GSK3B: variants seen among roughly 807,000 people sequenced by gnomAD.
GSK3B encodes glycogen synthase kinase 3 beta, also known as glycogen synthase kinase-3 beta.
A neutral mutation model predicts 56.4 loss-of-function variants in GSK3B; 15 were observed. The ratio of observed to expected loss-of-function variants is 0.27; its 90% confidence interval spans 0.18 to 0.41. The LOEUF is 0.41. GSK3B is among the 10% of genes least tolerant of loss of function. GSK3B has a pLI of 1.00. For synonymous variants in GSK3B, 181 were observed against 188.9 expected (o/e 0.96, Z 0.34); for missense variants, 300 against 513.4 (o/e 0.58, Z 4.02).
chr3:119,847,296 TA>T (rs888920724), intron 9 of GSK3B, among the ~76,000 whole-genome samples: 92 of 150,882 alleles, frequency 6.1e-4, no homozygotes, highest in African/African-American at 2.0e-3. Context: ...ATAATAATCA[TA>T]AAAAAAGAAT....
In GSK3B at chr3:119,863,601, A is replaced by C; in HGVS notation, c.914T>G (p.Phe305Cys). The C allele has an allele frequency of 1.9e-6, 3 of 1,601,808 alleles. No individual in the cohort carries two copies. The highest frequency in any genetic ancestry group is 2.6e-6 in the Non-Finnish European group (3 of 1,169,314). The change falls in exon 9 of 11, where the codon TTC becomes TGC. Residue 305 changes from phenylalanine to cysteine, a missense_variant. Physicochemically the swap from Phe to Cys is radical, Grantham distance 205. Around this residue, in one of 6 missense-constraint regions of GSK3B, gnomAD observed 38 missense variants for 58.3 expected, o/e 0.65. Coordinates refer to ENST00000264235, the MANE Select transcript of GSK3B (RefSeq NM_001146156.2). ...TGCCTCCGGTGGAGTTCGGGGTCGG[A>C]AGACCTGCAGTACAAAAAAAGGGAA... ...QIKAHPWTKVFRPRTPPEAIA... is the reference protein window; with the variant it reads ...QIKAHPWTKVCRPRTPPEAIA...
chr3:119,890,343 G>A (rs530545722), intron 7 of GSK3B, among the ~76,000 whole-genome samples: 33 of 152,072 alleles, frequency 2.2e-4, no homozygotes, highest in Non-Finnish European at 3.4e-4. Context: ...CAACACTGAC[G>A]AATCTCAAAA....
At chr3:119,920,994 A>T (rs1174564530) in intron 4 of GSK3B, among the ~76,000 whole-genome samples, 2 of 152,196 alleles carry the variant, frequency 1.3e-5, no homozygotes, top group Non-Finnish European at 2.9e-5. Context: ...ACCTCCCACT[A>T]AAAGAACAAG....
chr3:119,858,434 A>G (rs1426095203), intron 9 of GSK3B, among the ~76,000 whole-genome samples: 1 of 152,222 alleles, frequency 6.6e-6, no homozygotes, highest in Non-Finnish European at 1.5e-5. Context: ...TGGTATGGAA[A>G]TGGCTTCCTT....
chr3:119,926,721 C>A (rs1210520786), intron 3 of GSK3B, among the ~76,000 whole-genome samples: 3 of 152,170 alleles, frequency 2.0e-5, no homozygotes, highest in African/African-American at 4.8e-5. Flanking sequence ...ATTTCTTGAA[C>A]ACATATGGTA....
chr3:119,985,026 C>T (rs1464481694), intron 2 of GSK3B, among the ~76,000 whole-genome samples: 2 of 152,216 alleles, frequency 1.3e-5, no homozygotes, highest in African/African-American at 4.8e-5. Context: ...GAATGCAAGG[C>T]TGGTTCAACA....
Position 119,821,545 on chromosome 3 carries a change from A to G in GSK3B, c.*5243T>C, listed in dbSNP as rs969489876. Reference sequence around the variant, plus strand: ...CAGCCCCACTGTTCGTGGTGTCCATATATTTTACAGAGACCCCCAAAGACC... The same window carrying G: ...CAGCCCCACTGTTCGTGGTGTCCATGTATTTTACAGAGACCCCCAAAGACC... On this transcript the variant is annotated 3_prime_UTR_variant, in exon 11 of 11. Transcript: ENST00000264235. 1 of 152,252 alleles carries G rather than the reference A, an allele frequency of 6.6e-6. No homozygotes were observed. 9.4% of individuals were successfully genotyped at this position (152,252 alleles called of 1,614,324 possible).
At chr3:120,020,787 G>A (rs1359102984) in intron 1 of GSK3B, among the ~76,000 whole-genome samples, 1 of 152,218 alleles carries the variant, frequency 6.6e-6, no homozygotes, top group African/African-American at 2.4e-5. Flanking sequence ...CAGATAGGCT[G>A]AAAGCTATGC....
At chr3:119,936,537 G>A (rs1210544613) in intron 3 of GSK3B, among the ~76,000 whole-genome samples, 2 of 151,132 alleles carry the variant, frequency 1.3e-5, no homozygotes, top group African/African-American at 2.4e-5. Context: ...TAGTAGAGAT[G>A]GGGTTTTGCC....
In GSK3B at chr3:119,904,581, G is replaced by C. The variant is rs141608405; in HGVS notation, c.813+1174C>G. On this transcript the variant is annotated intron_variant, in intron 7 of 10. Transcript: ENST00000264235. ...GATTTTTAAAATTCCTATTTTTATA[G>C]AATGAAGTACAAGGATTTGAAAAGA... Among the ~76,000 whole-genome samples, 13 of 152,158 alleles carry C rather than the reference G, an allele frequency of 8.5e-5. No individual in the cohort carries two copies. In the East Asian group the frequency reaches 2.5e-3, roughly 29 times the overall value.
intron 1 of GSK3B, among the ~76,000 whole-genome samples, chr3:120,060,972 G>C (rs147209126): frequency 1.5e-3 from 230 of 152,162 alleles, no homozygotes; most frequent in Middle Eastern, 3.4e-3. Flanking sequence ...AAAAGATTTT[G>C]TCACTTTTCT....
chr3:119,888,059 A>G (rs2056459435), intron 7 of GSK3B, among the ~76,000 whole-genome samples: 2 of 152,146 alleles, frequency 1.3e-5, no homozygotes, highest in Non-Finnish European at 2.9e-5. Context: ...CAAGTTTGTC[A>G]CCAGCAGATC....
At chr3:119,846,374 A>G (rs1045410844) in intron 9 of GSK3B, among the ~76,000 whole-genome samples, 1 of 152,120 alleles carries the variant, frequency 6.6e-6, no homozygotes, top group Non-Finnish European at 1.5e-5. Context: ...GAATAAGAAA[A>G]ATTTTTGCCA....
intron 4 of GSK3B, among the ~76,000 whole-genome samples, 196 bp downstream of exon 4, chr3:119,923,177 G>A (rs1299208992): frequency 1.3e-5 from 2 of 152,094 alleles, no homozygotes; most frequent in African/African-American, 4.8e-5. Context: ...TTTACTATCT[G>A]AGTTATAAAA....
intron 1 of GSK3B, among the ~76,000 whole-genome samples, chr3:120,075,981 A>G (rs1324380172): frequency 1.3e-5 from 2 of 152,244 alleles, no homozygotes; most frequent in South Asian, 4.1e-4. Flanking sequence ...TTAAATTACA[A>G]AGCAACTATA....
intron 1 of GSK3B, among the ~76,000 whole-genome samples, chr3:120,049,016 CA>C (rs1364429029): frequency 1.3e-5 from 2 of 152,152 alleles, no homozygotes; most frequent in African/African-American, 4.8e-5. Flanking sequence ...GTAGCTAAGG[CA>C]AATCTAGTTC....
At chr3:119,842,387 G>C (rs2055785340) in intron 10 of GSK3B, among the ~76,000 whole-genome samples, 1 of 151,842 alleles carries the variant, frequency 6.6e-6, no homozygotes, top group East Asian at 1.9e-4. Context: ...TTGCATTGCA[G>C]TTTTAGCCCT....
chr3:119,987,349 T>C (rs2057526140), intron 2 of GSK3B, among the ~76,000 whole-genome samples: 2 of 152,188 alleles, frequency 1.3e-5, no homozygotes, highest in South Asian at 4.1e-4. Context: ...TGGTGTAACA[T>C]GTATTTAAAG....
intron 1 of GSK3B, among the ~76,000 whole-genome samples, chr3:120,067,026 A>T (rs2058286580): frequency 6.6e-6 from 1 of 152,158 alleles, no homozygotes; most frequent in Admixed American, 6.5e-5. Flanking sequence ...AATTGTAAAA[A>T]ATCTCATAAT....
Sources: gnomAD v4.1 joint callset for allele counts (sites outside exome capture counted in the v4.1 genomes callset) on GRCh38, gnomAD v4.1.1 for gene constraint, gnomAD v4.1.1 regional missense constraint, MANE v1.5 for transcripts, NCBI Gene and HGNC (gene_info 2026-07-23, HGNC 2026-07-21) for gene names.